The following LRP1B variants were observed in gnomAD, a reference collection of about 807,000 sequenced individuals.
LRP1B encodes low-density lipoprotein receptor-related protein 1B.
A neutral mutation model predicts 556.6 loss-of-function variants in LRP1B; 217 were observed. The ratio of observed to expected loss-of-function variants is 0.39; its 90% CI spans 0.35 to 0.44. The LOEUF (loss-of-function observed/expected upper bound fraction) is 0.44, where lower values mean the gene tolerates loss of function less well. Among genes scored for constraint, LRP1B ranks in the 20% least tolerant of loss-of-function variants. LRP1B has a pLI of 1.00. For synonymous variants in LRP1B, 2,047 were observed against 1,865.8 expected, an observed-to-expected ratio of 1.10 and a Z score of -2.50; for missense variants, 5,053 against 5,620.8, an observed-to-expected ratio of 0.90 and a Z score of 3.23.
intron 1 of LRP1B, among the ~76,000 whole-genome samples, chr2:142,055,025 C>A (rs1001286876): frequency 6.6e-6 from 1 of 152,126 alleles, no homozygotes; most frequent in African/African-American, 2.4e-5. Flanking sequence ...AAACATCATT[C>A]ATTCCGTCTT....
intron 77 of LRP1B, among the ~76,000 whole-genome samples, chr2:140,336,541 A>C (rs1681111911): frequency 6.6e-6 from 1 of 151,982 alleles, no homozygotes; most frequent in Admixed American, 6.6e-5. Context: ...TCTTTTCAGC[A>C]ATGTGAGAAA....
At chr2:141,324,447 ATTAACCG>A (rs542452838) in intron 3 of LRP1B, among the ~76,000 whole-genome samples, 18 of 152,232 alleles carry the variant, frequency 1.2e-4, no homozygotes, top group African/African-American at 4.1e-4. Context: ...TTCCCAGATA[ATTAACCG>A]TTTGTCTCCT....
chr2:141,103,491 C>T lies in LRP1B; in HGVS notation c.1014-41218G>A, dbSNP rs187316774. ...GACTAATTAAATTGGGATATAAGTA[C>T]ATTTGCAGAAGCTGGGCCATAGCAC... On this transcript the variant is annotated intron_variant, in intron 7 of 90. Coordinates refer to ENST00000389484, the MANE Select transcript of LRP1B (RefSeq NM_018557.3). Among the ~76,000 whole-genome samples, 56 of 115,782 alleles carry T rather than the reference C, an allele frequency of 4.8e-4. No homozygotes were observed. In the East Asian group the frequency reaches 0.022, roughly 46 times the overall value. 76.0% of individuals were successfully genotyped at this position (115,782 alleles called of 152,430 possible). A position where few individuals can be genotyped will look rare whatever the true frequency, so the allele number is the denominator to read the frequency against.
At chr2:141,212,682 T>C (rs1226465773) in intron 6 of LRP1B, among the ~76,000 whole-genome samples, 4 of 152,182 alleles carry the variant, frequency 2.6e-5, no homozygotes, top group East Asian at 1.9e-4. Flanking sequence ...AAAGAAAATA[T>C]AGTTCTCTAG....
chr2:140,790,026 T>C (rs1243851205), intron 32 of LRP1B, among the ~76,000 whole-genome samples: 2 of 152,128 alleles, frequency 1.3e-5, no homozygotes, highest in African/African-American at 2.4e-5. Context: ...TATGCTCAAA[T>C]AGCATCTTCT....
chr2:141,998,751 A>G (rs1407824471), intron 1 of LRP1B, among the ~76,000 whole-genome samples: 2 of 152,206 alleles, frequency 1.3e-5, no homozygotes, highest in East Asian at 3.9e-4. Flanking sequence ...GTCGTAGGAG[A>G]GGACCTTCCA....
chr2:140,345,875 TA>T (rs1558818284), intron 77 of LRP1B, among the ~76,000 whole-genome samples: 1 of 145,760 alleles, frequency 6.9e-6, no homozygotes, highest in African/African-American at 2.5e-5. Context: ...TATATATATA[TA>T]TAAAAAAAAT....
intron 3 of LRP1B, among the ~76,000 whole-genome samples, chr2:141,356,382 G>T (rs1688626979): frequency 6.6e-6 from 1 of 152,088 alleles, no homozygotes; most frequent in African/African-American, 2.4e-5. Flanking sequence ...TAGTCTGAGG[G>T]TTGTTCCCAA....
chr2:140,912,864 T>C (rs1298776765), intron 21 of LRP1B, among the ~76,000 whole-genome samples: 1 of 151,812 alleles, frequency 6.6e-6, no homozygotes, highest in Non-Finnish European at 1.5e-5. Flanking sequence ...ATTGATACAA[T>C]CTCTTCTAGA....
At chr2:142,032,284 C>G (rs78027294) in intron 1 of LRP1B, among the ~76,000 whole-genome samples, 4,744 of 151,854 alleles carry the variant, frequency 0.031, 191 homozygotes, top group East Asian at 0.17. Flanking sequence ...ATCCCTCTAT[C>G]CCATGCAAAC....
At chr2:140,712,375 C>T (rs565228570) in intron 37 of LRP1B, among the ~76,000 whole-genome samples, 1 of 152,148 alleles carries the variant, frequency 6.6e-6, no homozygotes, top group Non-Finnish European at 1.5e-5. Flanking sequence ...GAGTTGACTT[C>T]CCATCCTAGA....
chr2:140,652,039 A>C (rs954399109), intron 41 of LRP1B, among the ~76,000 whole-genome samples: 5 of 152,200 alleles, frequency 3.3e-5, no homozygotes, highest in African/African-American at 1.2e-4. Context: ...AACAAAAAAA[A>C]TGTAAGTTTA....
chr2:140,521,919 T>G (rs1480959963), intron 49 of LRP1B, among the ~76,000 whole-genome samples: 1 of 151,580 alleles, frequency 6.6e-6, no homozygotes, highest in African/African-American at 2.4e-5. Flanking sequence ...TAGAAAAAAA[T>G]AAAGAAGAGC....
At chr2:141,170,707 T>C (rs561548146) in intron 7 of LRP1B, among the ~76,000 whole-genome samples, 168 of 152,228 alleles carry the variant, frequency 1.1e-3, no homozygotes, top group African/African-American at 3.3e-3. Flanking sequence ...ATTATATCCC[T>C]GTGGCCTTAA....
At chr2:141,969,864 T>C (rs374925525) in intron 1 of LRP1B, among the ~76,000 whole-genome samples, 2 of 151,634 alleles carry the variant, frequency 1.3e-5, no homozygotes, top group Non-Finnish European at 3.0e-5. Flanking sequence ...TTTTCCATAA[T>C]GGCTTTATTA....
rs540069565 is a variant in LRP1B, at chr2:141,048,203, T to A, written c.1789+783A>T. On this transcript the variant is annotated intron_variant, in intron 11 of 90. Coordinates refer to ENST00000389484, the MANE Select transcript of LRP1B (RefSeq NM_018557.3). ...ATGTATTTCTAAAATATTCAAGAAGTAAGCAGACTTTATACATGAGGAAAC... is the reference window on the plus strand; with the variant it reads ...ATGTATTTCTAAAATATTCAAGAAGAAAGCAGACTTTATACATGAGGAAAC... Among the ~76,000 whole-genome samples the A allele has an allele frequency of 3.3e-5, 5 of 152,264 alleles. No individual in the cohort carries two copies. The East Asian group carries it at 9.7e-4, about 29-fold the overall frequency.
intron 1 of LRP1B, among the ~76,000 whole-genome samples, chr2:142,036,262 A>G (rs1024165948): frequency 1.3e-5 from 2 of 151,716 alleles, no homozygotes; most frequent in African/African-American, 4.8e-5. Flanking sequence ...AAGCCCAGGC[A>G]TTTCATAGCC....
At chr2:140,236,801 C>G (rs1445216804) in intron 89 of LRP1B, among the ~76,000 whole-genome samples, 2 of 150,862 alleles carry the variant, frequency 1.3e-5, no homozygotes, top group African/African-American at 4.8e-5. Flanking sequence ...GTACTGTACT[C>G]TTTTATATTT....
chr2:141,932,355 C>T (rs2104997128), intron 1 of LRP1B, among the ~76,000 whole-genome samples: 1 of 152,184 alleles, frequency 6.6e-6, no homozygotes, highest in East Asian at 1.9e-4. Flanking sequence ...CCGTTCATTA[C>T]TTTGCAATTG....
Sources: allele counts gnomAD v4.1 joint callset (sites outside exome capture counted in the v4.1 genomes callset), GRCh38; gene constraint gnomAD v4.1.1; transcripts MANE v1.5; gene names NCBI Gene and HGNC (gene_info 2026-07-23, HGNC 2026-07-21).